Variants in UBR2 observed in about 807,000 individuals in gnomAD.
UBR2 encodes ubiquitin protein ligase E3 component n-recognin 2, also known as E3 ubiquitin-protein ligase UBR2.
A neutral mutation model predicts 247.9 loss-of-function variants in UBR2; 92 were observed. That is an observed-to-expected ratio of 0.37 (90% CI 0.31 to 0.44). The LOEUF (loss-of-function observed/expected upper bound fraction) is 0.44. Among genes scored for constraint, UBR2 ranks in the 20% least tolerant of loss-of-function variants. The probability of loss-of-function intolerance (pLI) is 1.00; values close to 1 mark genes in which losing one functional copy is unlikely to be tolerated. For synonymous variants in UBR2, 672 were observed against 693.5 expected, an observed-to-expected ratio of 0.97 and a Z score of 0.49; for missense variants, 1,613 against 2,112.6, an observed-to-expected ratio of 0.76 and a Z score of 4.64.
chr6:42,634,219 CT>C (rs1168668177), intron 13 of UBR2: 30 of 394,186 alleles, frequency 7.6e-5, no homozygotes, highest in East Asian at 1.6e-4. Context: ...CAGTGTAGAC[CT>C]TTTTCCCCTG....
chr6:42,594,707 T>C (rs1792864845), intron 4 of UBR2, among the ~76,000 whole-genome samples: 3 of 152,212 alleles, frequency 2.0e-5, no homozygotes. Context: ...CCAATCCCAA[T>C]CATCATCTCC....
chr6:42,583,174 T>G (rs1386867237), intron 2 of UBR2, among the ~76,000 whole-genome samples: 1 of 152,208 alleles, frequency 6.6e-6, no homozygotes, highest in African/African-American at 2.4e-5. Flanking sequence ...TTTTCATGAT[T>G]ATTGTTCTTG....
chr6:42,677,436 T>C lies in UBR2; in HGVS notation c.4478+563T>C, dbSNP rs181328186. On this transcript the variant is annotated intron_variant, in intron 40 of 46. Transcript: ENST00000372901. ...ACTATCCCATTTCTGAGAACCTACATTAACAAAATAATTCAACATATAGAA... is the reference window on the plus strand; with the variant it reads ...ACTATCCCATTTCTGAGAACCTACACTAACAAAATAATTCAACATATAGAA... Among the ~76,000 whole-genome samples, 1,297 of 152,196 alleles carry C rather than the reference T, an allele frequency of 8.5e-3. 8 individuals are homozygous for C. The highest frequency in any genetic ancestry group is 0.015 in the Non-Finnish European group (988 of 67,992).
intron 4 of UBR2, among the ~76,000 whole-genome samples, chr6:42,597,598 C>CAAA (rs34005192): frequency 7.6e-6 from 1 of 131,816 alleles, no homozygotes; most frequent in Non-Finnish European, 1.6e-5. Context: ...ACTCTGTCTC[C>CAAA]AAAAAAAAAA....
intron 11 of UBR2, chr6:42,619,445 A>AT (rs1368973049): frequency 9.4e-5 from 3 of 31,962 alleles, no homozygotes; most frequent in South Asian, 1.4e-3. Context: ...ATATATATAT[A>AT]TATATATATT....
intron 11 of UBR2, among the ~76,000 whole-genome samples, chr6:42,631,920 A>G (rs1242987451): frequency 7.6e-6 from 1 of 131,690 alleles, no homozygotes; most frequent in South Asian, 2.4e-4. Flanking sequence ...TATATATATA[A>G]AATACACATA....
rs572477571 is a variant in UBR2, at chr6:42,673,356, C to G, written c.4087-435C>G. Reference sequence around the variant, plus strand: ...TTGTTTTTTGAGATAGAGTCTCGCTCTGTTTTCCAGGCTGGAGTGCAGTGG... The same window carrying G: ...TTGTTTTTTGAGATAGAGTCTCGCTGTGTTTTCCAGGCTGGAGTGCAGTGG... On this transcript the variant is annotated intron_variant, in intron 36 of 46. Coordinates refer to ENST00000372901, the MANE Select transcript of UBR2 (RefSeq NM_001363705.2). Among the ~76,000 whole-genome samples, 10 of 152,328 alleles carry G rather than the reference C, an allele frequency of 6.6e-5. No individual in the cohort carries two copies. In the East Asian group the frequency reaches 1.3e-3, roughly 21 times the overall value.
chr6:42,605,942 G>A, intron 6 of UBR2, 83 bp downstream of exon 6: 3 of 1,209,554 alleles, frequency 2.5e-6, no homozygotes, highest in Non-Finnish European at 3.4e-6. Flanking sequence ...TTGAGTTAAA[G>A]ATATATATAT....
chr6:42,688,472 G>A, intron 45 of UBR2, 86 bp downstream of exon 45: 1 of 1,477,780 alleles, frequency 6.8e-7, no homozygotes, highest in Non-Finnish European at 9.2e-7. Flanking sequence ...ATATTGCCAG[G>A]AATTTTGAGA....
At position 42,651,505 on chromosome 6, in the gene UBR2, T is replaced by A. The variant is rs181956521; in HGVS notation, c.2566-518T>A. On this transcript the variant is annotated intron_variant, in intron 23 of 46. Transcript: ENST00000372901. ...TAAAGATAGATATCTTTTTTATTTT[T>A]TATTTTTTTTGAGATAGGGTCTCAC... 4.5e-3 allele frequency among the ~76,000 whole-genome samples: 682 copies of A among 152,144 alleles called. 3 individuals carry two copies. The highest frequency in any genetic ancestry group is 0.014 in the African/African-American group (564 of 41,490).
intron 46 of UBR2, among the ~76,000 whole-genome samples, chr6:42,690,133 G>C (rs1582748154): frequency 6.6e-6 from 1 of 152,118 alleles, no homozygotes; most frequent in African/African-American, 2.4e-5. Flanking sequence ...CTTCTACTCT[G>C]GTAGCTTTAG....
chr6:42,584,842 T>C (rs1044543706), intron 2 of UBR2, among the ~76,000 whole-genome samples: 1 of 151,884 alleles, frequency 6.6e-6, no homozygotes, highest in Non-Finnish European at 1.5e-5. Flanking sequence ...ATATTAACTT[T>C]TACCCTGTGA....
chr6:42,638,627 A>G (rs961078104), intron 15 of UBR2, among the ~76,000 whole-genome samples: 2 of 152,192 alleles, frequency 1.3e-5, no homozygotes, highest in Non-Finnish European at 2.9e-5. Context: ...CTGAACTGTC[A>G]ATCCTCAACA....
At chr6:42,644,594 T>C (rs977135861) in intron 20 of UBR2, 58 bp downstream of exon 20, 6 of 1,442,142 alleles carry the variant, frequency 4.2e-6, no homozygotes, top group East Asian at 2.3e-5. Context: ...TAGTAGCAAA[T>C]AGTTTGGAAT....
At position 42,659,339 on chromosome 6, in the gene UBR2, C is replaced by CA. The variant is rs563728449; in HGVS notation, c.3243-305dup. ...TGAAACCCCATCTCTACTAAAAATACAAAAAAAAAAAATTAGCCGGGTGTG... is the reference window on the plus strand; with the variant it reads ...TGAAACCCCATCTCTACTAAAAATACAAAAAAAAAAAAATTAGCCGGGTGTG... On this transcript the variant is annotated intron_variant, in intron 29 of 46. Coordinates refer to ENST00000372901, the MANE Select transcript of UBR2 (RefSeq NM_001363705.2). The surrounding 1 kb of genome is among the most constrained non-coding windows in gnomAD (Gnocchi z 4.3). Among the ~76,000 whole-genome samples the CA allele has an allele frequency of 2.9e-3, 417 of 141,874 alleles. 4 individuals are homozygous for CA. The highest frequency in any genetic ancestry group is 0.02 in the South Asian group (91 of 4,512). The allele number at this position is 141,874 out of a possible 152,430, so 93.1% of individuals were successfully genotyped here. A position where few individuals can be genotyped will look rare whatever the true frequency, so the allele number is the denominator to read the frequency against.
chr6:42,586,792 GCTT>G (rs1302665787), intron 2 of UBR2, among the ~76,000 whole-genome samples: 1 of 144,630 alleles, frequency 6.9e-6, no homozygotes, highest in Non-Finnish European at 1.5e-5. Flanking sequence ...CATCTTTTCT[GCTT>G]CTTGTCATAT....
In UBR2 at chr6:42,691,222, G is replaced by A. The variant is rs778571660; in HGVS notation, c.*49G>A. On this transcript the variant is annotated 3_prime_UTR_variant, in exon 47 of 47. Coordinates refer to ENST00000372901, the MANE Select transcript of UBR2 (RefSeq NM_001363705.2). Reference sequence around the variant, plus strand: ...AACTTGGATTTTTTTAACCCAGTTGGCTTTTTAAGAAAGAAAGAAGTTCTG... The same window carrying A: ...AACTTGGATTTTTTTAACCCAGTTGACTTTTTAAGAAAGAAAGAAGTTCTG... 2.5e-6 allele frequency: 4 copies of A among 1,587,970 alleles called. No individual in the cohort carries two copies. In the Admixed American group the frequency reaches 8.0e-5, roughly 32 times the overall value.
At chr6:42,608,463 A>C (rs1451587391) in intron 7 of UBR2, among the ~76,000 whole-genome samples, 1 of 151,564 alleles carries the variant, frequency 6.6e-6, no homozygotes, top group African/African-American at 2.4e-5. Context: ...CCGACTCTAC[A>C]AAAAAAAATT....
chr6:42,584,123 G>A (rs759868463), intron 2 of UBR2, among the ~76,000 whole-genome samples: 7 of 151,150 alleles, frequency 4.6e-5, no homozygotes, highest in Non-Finnish European at 8.8e-5. Context: ...TCAGCCTCCC[G>A]AGTAGCTGGG....
Sources: allele counts gnomAD v4.1 joint callset (sites outside exome capture counted in the v4.1 genomes callset), GRCh38; gene constraint gnomAD v4.1.1; non-coding constraint Gnocchi (gnomAD v3.1); transcripts MANE v1.5; gene names NCBI Gene and HGNC (gene_info 2026-07-23, HGNC 2026-07-21).